The following CDH23 variants were observed in gnomAD, a reference collection of about 807,000 sequenced individuals.
The protein encoded by CDH23 is cadherin-23.
CDH23 carries 189 observed loss-of-function variants against 317.1 expected under a neutral mutation model. That is an observed-to-expected ratio of 0.60 (90% CI 0.53 to 0.67). The LOEUF is 0.67. Ranked by LOEUF, CDH23 falls within the 30% of genes least tolerant of loss-of-function variation. The pLI is 0.00. For missense variants in CDH23, 4,401 were observed against 4,592.4 expected (o/e 0.96, Z 1.20); for synonymous variants, 1,839 against 1,876.8 (o/e 0.98, Z 0.52).
intron 11 of CDH23, among the ~76,000 whole-genome samples, chr10:71,621,639 G>A (rs1158321913): frequency 6.6e-6 from 1 of 152,216 alleles, no homozygotes; most frequent in Non-Finnish European, 1.5e-5. Context: ...GGCAGTCGAG[G>A]GAGCTGATGC....
chr10:71,465,515 A>G (rs947162043), intron 3 of CDH23, among the ~76,000 whole-genome samples: 1 of 152,242 alleles, frequency 6.6e-6, no homozygotes, highest in African/African-American at 2.4e-5. Flanking sequence ...GCCCTGAGCC[A>G]TCGAGTGCCA....
chr10:71,732,024 C>A lies in CDH23; in HGVS notation c.3753C>A (p.Gly1251=), dbSNP rs571842156. 6.2e-7 allele frequency: 1 copy of A among 1,613,774 alleles called. No homozygotes were observed. The highest frequency in any genetic ancestry group is 2.2e-5 in the East Asian group (1 of 44,882). The change falls in exon 32 of 70, where the codon GGC becomes GGA. Residue 1251 remains glycine, a synonymous_variant. Transcript: ENST00000224721. ...GGLVNYRILS[G]AEGKFEIDES... is the part of the protein sequence containing the mutation. Reference sequence around the variant, plus strand: ...TGGTGAACTACCGCATCCTGTCGGGCGCAGAGGGGAAGTTTGAGATTGACG... The same window carrying A: ...TGGTGAACTACCGCATCCTGTCGGGAGCAGAGGGGAAGTTTGAGATTGACG...
Position 71,473,130 on chromosome 10 carries a change from G to A in CDH23, c.145+26735G>A, listed in dbSNP as rs187554412. 5.8e-4 allele frequency among the ~76,000 whole-genome samples: 89 copies of A among 152,306 alleles called. 1 individual carries two copies. Among genetic ancestry groups the A allele is most frequent in the Non-Finnish European group, 1.1e-3 (73 of 68,030 alleles). On this transcript the variant is annotated intron_variant, in intron 3 of 69. Coordinates refer to ENST00000224721, the MANE Select transcript of CDH23 (RefSeq NM_022124.6). ...CCCCAGAGCTGGTCACTTGGCAATA[G>A]CACAGTCAAGGTCTGGGCAAAGCCT...
At chr10:71,737,657 C>A (rs1056302127) in intron 34 of CDH23, 6 of 466,872 alleles carry the variant, frequency 1.3e-5, no homozygotes, top group African/African-American at 8.0e-5. Flanking sequence ...GGGAGAAGGC[C>A]TGTCCTGGGA....
At chr10:71,536,439 T>C (rs992147091) in intron 6 of CDH23, among the ~76,000 whole-genome samples, 3 of 152,210 alleles carry the variant, frequency 2.0e-5, no homozygotes, top group Admixed American at 2.0e-4. Context: ...GTGAGGGCTT[T>C]GAAAGGCAGG....
At chr10:71,796,047 A>C in intron 48 of CDH23, 1 of 935,372 alleles carries the variant, frequency 1.1e-6, no homozygotes, top group Non-Finnish European at 1.3e-6. Flanking sequence ...GAGTAGGAAG[A>C]GGAGGAGGAG....
rs1284739193 is a variant in CDH23, at chr10:71,530,383, G to C, written c.429+19171G>C. ...CCACAGTGGGGCCTCTCAGCAGCCGGAGTCACAGTCCCAGGACAGGTGAAT... is the reference window on the plus strand; with the variant it reads ...CCACAGTGGGGCCTCTCAGCAGCCGCAGTCACAGTCCCAGGACAGGTGAAT... On this transcript the variant is annotated intron_variant, in intron 6 of 69. Coordinates refer to ENST00000224721, the MANE Select transcript of CDH23 (RefSeq NM_022124.6). 2.0e-5 allele frequency among the ~76,000 whole-genome samples: 3 copies of C among 152,224 alleles called. 1 individual carries two copies. The East Asian group carries it at 5.8e-4, about 29-fold the overall frequency.
At chr10:71,757,657 C>T (rs1052239421) in intron 38 of CDH23, 6 of 152,182 alleles carry the variant, frequency 3.9e-5, no homozygotes, top group Non-Finnish European at 7.3e-5. Context: ...AGGAGTGTGC[C>T]AGGCCCTGAC....
At chr10:71,584,542 CTG>C (rs138103081) in intron 9 of CDH23, among the ~76,000 whole-genome samples, 7,975 of 145,632 alleles carry the variant, frequency 0.055, 254 homozygotes, top group Middle Eastern at 0.11. Flanking sequence ...GAAGGGAAGT[CTG>C]TGTGTGTGTG....
chr10:71,753,919 C>T (rs1477182417), intron 38 of CDH23: 5 of 455,888 alleles, frequency 1.1e-5, no homozygotes, highest in Admixed American at 7.1e-5. Context: ...TCATCTCATC[C>T]TCTGTGCCAC....
intron 6 of CDH23, among the ~76,000 whole-genome samples, chr10:71,520,911 G>A (rs1455565858): frequency 6.6e-6 from 1 of 152,188 alleles, no homozygotes; most frequent in Non-Finnish European, 1.5e-5. Context: ...GACCCACCTT[G>A]TTTTCTACCA....
chr10:71,707,903 C>T (rs142953097), intron 26 of CDH23, among the ~76,000 whole-genome samples: 53 of 152,288 alleles, frequency 3.5e-4, no homozygotes, highest in Admixed American at 1.4e-3. Context: ...CAGCTCACAG[C>T]CCATCTGTGG....
chr10:71,739,833 C>T (rs182357008), intron 36 of CDH23, 61 bp downstream of exon 36: 28 of 1,533,280 alleles, frequency 1.8e-5, no homozygotes, highest in Admixed American at 1.8e-5. Context: ...CCGGTCACTA[C>T]TCTCCATCCA....
rs575126456 is a variant in CDH23, at chr10:71,762,571, T to C, written c.4846-15109T>C. Among the ~76,000 whole-genome samples, 4 of 152,374 alleles carry C rather than the reference T, an allele frequency of 2.6e-5. No individual in the cohort carries two copies. The East Asian group carries it at 7.7e-4, about 29-fold the overall frequency. On this transcript the variant is annotated intron_variant, in intron 38 of 69. Coordinates refer to ENST00000224721, the MANE Select transcript of CDH23 (RefSeq NM_022124.6). The stretch of plus-strand genomic sequence containing the variant: ...GGCCTCCCCTTGAGCAGACGAGGCC[T>C]GCATTCCCGACAGCAGAACCCCATG...
intron 3 of CDH23, among the ~76,000 whole-genome samples, chr10:71,503,343 G>C (rs1411333464): frequency 6.6e-6 from 1 of 152,222 alleles, no homozygotes; most frequent in Admixed American, 6.5e-5. Flanking sequence ...ACTGATTTGG[G>C]TGTTATTAGG....
At chr10:71,421,937 A>G (rs116221064) in intron 1 of CDH23, among the ~76,000 whole-genome samples, 163 of 152,086 alleles carry the variant, frequency 1.1e-3, no homozygotes, top group African/African-American at 3.7e-3. Context: ...TTAAGAGGAA[A>G]GGCATCCTTA....
At chr10:71,770,699 A>G (rs553920923) in intron 38 of CDH23, among the ~76,000 whole-genome samples, 36 of 152,074 alleles carry the variant, frequency 2.4e-4, no homozygotes, top group African/African-American at 8.4e-4. Context: ...CACCCCATAC[A>G]CTGTGTGCGG....
chr10:71,415,745 T>C (rs1848507609), intron 1 of CDH23, among the ~76,000 whole-genome samples: 1 of 152,204 alleles, frequency 6.6e-6, no homozygotes, highest in South Asian at 2.1e-4. Flanking sequence ...TGTTATAGTT[T>C]CCTCTTTGAT....
intron 6 of CDH23, among the ~76,000 whole-genome samples, chr10:71,522,787 T>A (rs1485818815): frequency 6.6e-6 from 1 of 151,936 alleles, no homozygotes; most frequent in East Asian, 1.9e-4. Flanking sequence ...GTGAATGGGA[T>A]GGGGAAAAAA....
Sources: gnomAD v4.1 joint callset for allele counts (sites outside exome capture counted in the v4.1 genomes callset) on GRCh38, gnomAD v4.1.1 for gene constraint, MANE v1.5 for transcripts, NCBI Gene and HGNC (gene_info 2026-07-23, HGNC 2026-07-21) for gene names.